Variants in NEGR1 observed in about 807,000 individuals in gnomAD.
The protein encoded by NEGR1 is neuronal growth regulator 1.
In NEGR1, 10 loss-of-function variants were observed where a neutral mutation model predicts 40.9. The ratio of observed to expected loss-of-function variants is 0.24; its 90% CI spans 0.15 to 0.42. The LOEUF (loss-of-function observed/expected upper bound fraction) is 0.42, where lower values mean the gene tolerates loss of function less well. Among genes scored for constraint, NEGR1 ranks in the 10% least tolerant of loss-of-function variants. NEGR1 has a pLI of 1.00. For missense variants in NEGR1, 352 were observed against 438.9 expected, an observed-to-expected ratio of 0.80 and a Z score of 1.77; for synonymous variants, 185 against 166.8, an observed-to-expected ratio of 1.11 and a Z score of -0.84.
At chr1:72,113,139 C>A (rs1649442327) in intron 1 of NEGR1, among the ~76,000 whole-genome samples, 1 of 151,478 alleles carries the variant, frequency 6.6e-6, no homozygotes, top group Non-Finnish European at 1.5e-5. Context: ...AGCACTAGAC[C>A]CAAGGGTTTT....
At chr1:71,695,589 T>C (rs1252213468) in intron 4 of NEGR1, among the ~76,000 whole-genome samples, 2 of 151,928 alleles carry the variant, frequency 1.3e-5, no homozygotes, top group East Asian at 3.9e-4. Flanking sequence ...TATTCTAGAG[T>C]GTCTGACACC....
intron 3 of NEGR1, among the ~76,000 whole-genome samples, chr1:71,731,524 A>G (rs2101664710): frequency 6.6e-6 from 1 of 152,376 alleles, no homozygotes; most frequent in African/African-American, 2.4e-5. Flanking sequence ...GCTAATAGAG[A>G]TAATTATTTT....
intron 1 of NEGR1, among the ~76,000 whole-genome samples, chr1:72,250,033 T>C (rs940131102): frequency 2.0e-5 from 3 of 152,178 alleles, no homozygotes; most frequent in African/African-American, 7.2e-5. Flanking sequence ...ACTTTTAGGA[T>C]GTGATTAACA....
intron 1 of NEGR1, among the ~76,000 whole-genome samples, chr1:72,016,662 TG>T (rs779506520): frequency 6.6e-6 from 1 of 152,150 alleles, no homozygotes; most frequent in Non-Finnish European, 1.5e-5. Flanking sequence ...GACTAAAAGA[TG>T]CACAGCAACT....
chr1:71,956,645 T>C (rs962416826), intron 1 of NEGR1, among the ~76,000 whole-genome samples: 3 of 152,302 alleles, frequency 2.0e-5, no homozygotes, highest in African/African-American at 7.2e-5. Flanking sequence ...TGAAATTATC[T>C]GTCAATACAT....
At chr1:72,009,364 G>T (rs939710185) in intron 1 of NEGR1, among the ~76,000 whole-genome samples, 1 of 151,940 alleles carries the variant, frequency 6.6e-6, no homozygotes, top group Non-Finnish European at 1.5e-5. Context: ...GTCTTTGTGA[G>T]GGTTAACATA....
intron 1 of NEGR1, among the ~76,000 whole-genome samples, chr1:72,274,240 A>G (rs1655960466): frequency 6.6e-6 from 1 of 152,016 alleles, no homozygotes; most frequent in South Asian, 2.1e-4. Context: ...GCTTTCTCCA[A>G]ATGACTCCCT....
At chr1:71,534,833 G>A (rs11802260) in intron 6 of NEGR1, among the ~76,000 whole-genome samples, 6,150 of 151,594 alleles carry the variant, frequency 0.041, 407 homozygotes, top group African/African-American at 0.14. Context: ...ACTATAAAAT[G>A]TCAGGTTTCA....
At chr1:72,106,118 C>A (rs1310428453) in intron 1 of NEGR1, among the ~76,000 whole-genome samples, 3 of 151,836 alleles carry the variant, frequency 2.0e-5, no homozygotes, top group Admixed American at 1.3e-4. Flanking sequence ...AAGGTAAGTA[C>A]AAGAAAATAA....
intron 1 of NEGR1, among the ~76,000 whole-genome samples, chr1:71,957,670 G>A (rs1389020071): frequency 6.6e-6 from 1 of 152,060 alleles, no homozygotes; most frequent in East Asian, 1.9e-4. Context: ...TGTCAATTGG[G>A]TTTGGAACCA....
intron 1 of NEGR1, among the ~76,000 whole-genome samples, chr1:72,074,590 G>T (rs1045935980): frequency 6.6e-6 from 1 of 151,926 alleles, no homozygotes; most frequent in South Asian, 2.1e-4. Flanking sequence ...TTCGACGTAA[G>T]TGAAAGTTAT....
chr1:71,509,738 C>G (rs754026750), intron 6 of NEGR1, among the ~76,000 whole-genome samples: 12 of 152,180 alleles, frequency 7.9e-5, no homozygotes, highest in Non-Finnish European at 1.3e-4. Context: ...AACCAAATAG[C>G]TGCTGGGTTT....
At chr1:71,632,531 CTATTA>C (rs966167222) in intron 4 of NEGR1, among the ~76,000 whole-genome samples, 8 of 150,536 alleles carry the variant, frequency 5.3e-5, no homozygotes, top group Non-Finnish European at 5.9e-5. Flanking sequence ...ATTGCATAAA[CTATTA>C]TATTATTTTA....
At chr1:72,067,442 C>G (rs531014476) in intron 1 of NEGR1, among the ~76,000 whole-genome samples, 73 of 152,142 alleles carry the variant, frequency 4.8e-4, no homozygotes, top group African/African-American at 1.6e-3. Flanking sequence ...TAACAGTATA[C>G]CCATTTTTAA....
intron 2 of NEGR1, among the ~76,000 whole-genome samples, chr1:71,917,514 G>C (rs1019127137): frequency 3.9e-5 from 6 of 152,082 alleles, no homozygotes; most frequent in African/African-American, 1.4e-4. Context: ...AAGTCGGACG[G>C]GTGCGGTGGC....
intron 1 of NEGR1, among the ~76,000 whole-genome samples, chr1:72,174,055 T>C (rs1570079383): frequency 6.6e-6 from 1 of 152,282 alleles, no homozygotes; most frequent in African/African-American, 2.4e-5. Context: ...TTCACAACAA[T>C]CTTCTAACAT....
chr1:72,092,365 C>T (rs939945192), intron 1 of NEGR1, among the ~76,000 whole-genome samples: 5 of 152,056 alleles, frequency 3.3e-5, no homozygotes, highest in African/African-American at 1.2e-4. Flanking sequence ...TTGATGTGTT[C>T]CACCTCCTGT....
chr1:71,884,376 A>G (rs1660666816), intron 2 of NEGR1, among the ~76,000 whole-genome samples: 1 of 152,220 alleles, frequency 6.6e-6, no homozygotes, highest in Admixed American at 6.5e-5. Context: ...ACTCATCCAC[A>G]GTCTAAATTC....
At chr1:71,765,177 G>A (rs1033855251) in intron 3 of NEGR1, among the ~76,000 whole-genome samples, 6 of 152,118 alleles carry the variant, frequency 3.9e-5, no homozygotes, top group African/African-American at 1.4e-4. Context: ...TTGGTCAACA[G>A]AACGGCCCAA....
Sources: allele counts gnomAD v4.1 joint callset (sites outside exome capture counted in the v4.1 genomes callset), GRCh38; gene constraint gnomAD v4.1.1; transcripts MANE v1.5; gene names NCBI Gene and HGNC (gene_info 2026-07-23, HGNC 2026-07-21).